PLCXD3: variants seen among roughly 807,000 people sequenced by gnomAD.
PLCXD3 encodes the protein PI-PLC X domain-containing protein 3.
A neutral mutation model predicts 25.5 loss-of-function variants in PLCXD3; 19 were observed. That is an observed-to-expected ratio of 0.75 (90% CI 0.52 to 1.09). The LOEUF (loss-of-function observed/expected upper bound fraction) is 1.09, where lower values mean the gene tolerates loss of function less well. PLCXD3 is among the 50% of genes least tolerant of loss of function. The pLI is 0.00. For missense variants in PLCXD3, 411 were observed against 388.1 expected, an observed-to-expected ratio of 1.06 and a Z score of -0.50; for synonymous variants, 174 against 137.6, an observed-to-expected ratio of 1.26 and a Z score of -1.85.
chr5:41,480,854 G>A (rs748898533), intron 1 of PLCXD3, among the ~76,000 whole-genome samples: 3 of 151,950 alleles, frequency 2.0e-5, no homozygotes, highest in Non-Finnish European at 4.4e-5. Context: ...AGGTTGAAGT[G>A]AGCTGAGATC....
intron 2 of PLCXD3, among the ~76,000 whole-genome samples, chr5:41,344,112 G>T (rs375520824): frequency 1.3e-5 from 2 of 152,088 alleles, no homozygotes; most frequent in South Asian, 4.1e-4. Flanking sequence ...TTAAAGGAAC[G>T]ATTTCAGATG....
At chr5:41,490,973 C>T (rs1040708715) in intron 1 of PLCXD3, among the ~76,000 whole-genome samples, 4 of 152,082 alleles carry the variant, frequency 2.6e-5, no homozygotes, top group African/African-American at 9.7e-5. Context: ...TTGCCTTCTG[C>T]TAGCTTTTGA....
At position 41,308,035 on chromosome 5, in the gene PLCXD3, C is replaced by T. The variant is rs1339510691; in HGVS notation, c.*5582G>A. The T allele has an allele frequency of 3.3e-5, 5 of 152,092 alleles. No individual in the cohort carries two copies. Among genetic ancestry groups the T allele is most frequent in the Non-Finnish European group, 7.4e-5 (5 of 67,998 alleles). The allele number at this position is 152,092 out of a possible 1,614,324, so 9.4% of individuals were successfully genotyped here. A position where few individuals can be genotyped will look rare whatever the true frequency, so the allele number is the denominator to read the frequency against. Reference sequence around the variant, plus strand: ...GAAGATATTTACTTGATTATCCCATCTGTATTTGAGTTCGTCCTTCAAAAA... The same window carrying T: ...GAAGATATTTACTTGATTATCCCATTTGTATTTGAGTTCGTCCTTCAAAAA... On this transcript the variant is annotated 3_prime_UTR_variant, in exon 3 of 3. Coordinates refer to ENST00000377801, the MANE Select transcript of PLCXD3 (RefSeq NM_001005473.3).
At chr5:41,369,576 G>A (rs1391077098) in intron 2 of PLCXD3, among the ~76,000 whole-genome samples, 1 of 152,104 alleles carries the variant, frequency 6.6e-6, no homozygotes, top group African/African-American at 2.4e-5. Flanking sequence ...GGCCTCCTGG[G>A]TTCAAGTGAT....
intron 2 of PLCXD3, among the ~76,000 whole-genome samples, chr5:41,315,258 T>A (rs1452937453): frequency 6.6e-6 from 1 of 151,986 alleles, no homozygotes; most frequent in Non-Finnish European, 1.5e-5. Context: ...TGATAGTGTA[T>A]TAATAAAGAA....
At chr5:41,450,638 A>G (rs1747607269) in intron 1 of PLCXD3, among the ~76,000 whole-genome samples, 1 of 152,086 alleles carries the variant, frequency 6.6e-6, no homozygotes, top group Admixed American at 6.6e-5. Context: ...TTTCACTCTC[A>G]TCTTCCCAAG....
intron 1 of PLCXD3, among the ~76,000 whole-genome samples, chr5:41,493,221 C>G (rs1430223402): frequency 6.6e-6 from 1 of 152,146 alleles, no homozygotes; most frequent in Non-Finnish European, 1.5e-5. Flanking sequence ...GCCTGGGTAC[C>G]AGCAGGGGTG....
intron 2 of PLCXD3, among the ~76,000 whole-genome samples, chr5:41,380,805 G>T (rs781752800): frequency 1.3e-4 from 20 of 152,120 alleles, no homozygotes; most frequent in Non-Finnish European, 2.5e-4. Context: ...TTCTTCAGAT[G>T]ATGTTTGCAT....
chr5:41,366,811 C>T (rs927573525), intron 2 of PLCXD3, among the ~76,000 whole-genome samples: 7 of 152,134 alleles, frequency 4.6e-5, no homozygotes, highest in African/African-American at 1.7e-4. Context: ...CTCTCCCGTG[C>T]CCCAGTGTGT....
chr5:41,349,249 G>T (rs575722622), intron 2 of PLCXD3, among the ~76,000 whole-genome samples: 1 of 152,274 alleles, frequency 6.6e-6, no homozygotes, highest in East Asian at 1.9e-4. Flanking sequence ...AAGGATGGCT[G>T]CACTTATTAG....
intron 1 of PLCXD3, among the ~76,000 whole-genome samples, chr5:41,451,855 G>A (rs1043548402): frequency 6.6e-6 from 1 of 151,954 alleles, no homozygotes; most frequent in Non-Finnish European, 1.5e-5. Context: ...TGAGCAGTAA[G>A]AGAAAATATC....
At chr5:41,410,874 T>C (rs947929138) in intron 1 of PLCXD3, among the ~76,000 whole-genome samples, 3 of 152,202 alleles carry the variant, frequency 2.0e-5, no homozygotes, top group Non-Finnish European at 4.4e-5. Context: ...GTATAAGACG[T>C]TGATATCTTT....
Position 41,510,414 on chromosome 5 carries a change from G to A in PLCXD3, c.103+10C>T. The A allele has an allele frequency of 6.2e-7, 1 of 1,603,580 alleles. No homozygotes were observed. Among genetic ancestry groups the A allele is most frequent in the Non-Finnish European group, 8.5e-7 (1 of 1,174,840 alleles). On this transcript the variant is annotated intron_variant, in intron 1 of 2. Coordinates refer to ENST00000377801, the MANE Select transcript of PLCXD3 (RefSeq NM_001005473.3). ...GCCGAGCGCCTAGCCCGCAGCCCCT[G>A]CGCGCCTACCTGGAATGGCTAAATT...
intron 1 of PLCXD3, among the ~76,000 whole-genome samples, chr5:41,431,404 C>T (rs1045730853): frequency 6.6e-6 from 1 of 152,160 alleles, no homozygotes; most frequent in African/African-American, 2.4e-5. Context: ...CTTACACATT[C>T]TTATGTATTA....
At chr5:41,483,237 G>C (rs752765696) in intron 1 of PLCXD3, among the ~76,000 whole-genome samples, 2 of 152,172 alleles carry the variant, frequency 1.3e-5, no homozygotes, top group Non-Finnish European at 2.9e-5. Context: ...GAAGCACAAA[G>C]TTTACAGTAG....
At chr5:41,453,404 T>C (rs1222649583) in intron 1 of PLCXD3, among the ~76,000 whole-genome samples, 1 of 151,820 alleles carries the variant, frequency 6.6e-6, no homozygotes, top group Non-Finnish European at 1.5e-5. Context: ...TCAATATCTT[T>C]ATTCTTTCAT....
intron 2 of PLCXD3, among the ~76,000 whole-genome samples, chr5:41,356,308 C>G (rs933292171): frequency 2.5e-4 from 38 of 152,066 alleles, no homozygotes; most frequent in Non-Finnish European, 4.7e-4. Context: ...TGTTCATGTG[C>G]CTGAGAAATG....
At chr5:41,464,597 A>G (rs1747969798) in intron 1 of PLCXD3, among the ~76,000 whole-genome samples, 1 of 152,068 alleles carries the variant, frequency 6.6e-6, no homozygotes, top group African/African-American at 2.4e-5. Flanking sequence ...AATTGAAAAA[A>G]TATCTATGGT....
At chr5:41,477,479 A>G (rs1003710847) in intron 1 of PLCXD3, among the ~76,000 whole-genome samples, 1 of 152,122 alleles carries the variant, frequency 6.6e-6, no homozygotes, top group Admixed American at 6.6e-5. Context: ...TCCTTGTTGC[A>G]AATAGGCCTG....
Sources: allele counts gnomAD v4.1 joint callset (sites outside exome capture counted in the v4.1 genomes callset), GRCh38; gene constraint gnomAD v4.1.1; transcripts MANE v1.5; gene names NCBI Gene and HGNC (gene_info 2026-07-23, HGNC 2026-07-21).